The following TMEM144 variants were observed in gnomAD, a reference collection of about 807,000 sequenced individuals.
TMEM144 encodes the protein transmembrane protein 144.
Under a neutral mutation model 43.6 loss-of-function variants are expected in TMEM144, and 39 were observed. The observed-to-expected ratio is 0.90, with a 90% confidence interval of 0.69 to 1.17. The LOEUF is 1.17. Ranked by LOEUF, TMEM144 falls within the 50% of genes most tolerant of loss-of-function variation. The pLI, the probability that TMEM144 is intolerant of heterozygous loss-of-function variation, is 0.00. For missense variants in TMEM144, 417 were observed against 411.9 expected (o/e 1.01, Z -0.11); for synonymous variants, 154 against 133.6 (o/e 1.15, Z -1.06).
intron 11 of TMEM144, among the ~76,000 whole-genome samples, chr4:158,242,043 G>C (rs902869775): frequency 6.6e-6 from 1 of 152,140 alleles, no homozygotes; most frequent in Admixed American, 6.5e-5. Context: ...TTCTTGTTTT[G>C]AGTTAGAATA....
intron 5 of TMEM144, among the ~76,000 whole-genome samples, chr4:158,217,714 T>C (rs747325258): frequency 7.2e-5 from 11 of 152,214 alleles, no homozygotes; most frequent in Non-Finnish European, 1.3e-4. Context: ...TTGCTGGACA[T>C]GTTCTATGCA....
chr4:158,239,131 A>G (rs1050522311), intron 9 of TMEM144, among the ~76,000 whole-genome samples: 2 of 152,148 alleles, frequency 1.3e-5, no homozygotes, highest in African/African-American at 2.4e-5. Context: ...GAGGATTTGC[A>G]CCCAGGTGGT....
rs886372397 is a variant in TMEM144 at position 158,254,665 on chromosome 4, T to G, written c.*1138T>G. 2.6e-5 allele frequency: 4 copies of G among 152,188 alleles called. No individual in the cohort carries two copies. The East Asian group carries it at 7.7e-4, about 29-fold the overall frequency. The allele number at this position is 152,188 out of a possible 1,614,324, so 9.4% of individuals were successfully genotyped here. A position where few individuals can be genotyped will look rare whatever the true frequency, so the allele number is the denominator to read the frequency against. ...ACAGAACTGCCAGTACAATGTTTGT[T>G]GCAATTGTTTCCAAAACTTTGAGAT... On this transcript the variant is annotated 3_prime_UTR_variant, in exon 13 of 13. Transcript: ENST00000296529.
In TMEM144 at chr4:158,232,924, A is replaced by G. The variant is rs75556624; in HGVS notation, c.437A>G (p.Lys146Arg). Residue 146 changes from lysine (K) to arginine (R), a missense_variant, in exon 7 of 13, where the codon AAA becomes AGA. Physicochemically the swap from Lys to Arg is conservative, Grantham distance 26. Transcript: ENST00000296529. ...VVSAFIFLFI[K>R]SEIPNNTCSM... ...AGTGCTTTCATATTTTTGTTCATCA[A>G]AAGTGAAATACCAAATAACACGTGT... is the stretch of plus-strand genomic sequence containing the variant. 589 of 1,611,938 alleles carry G rather than the reference A, an allele frequency of 3.7e-4. 5 individuals are homozygous for G. The East Asian group carries it at 0.012, about 32-fold the overall frequency.
chr4:158,215,698 A>T (rs1734188411), intron 4 of TMEM144, among the ~76,000 whole-genome samples: 1 of 152,200 alleles, frequency 6.6e-6, no homozygotes, highest in Non-Finnish European at 1.5e-5. Flanking sequence ...TTTAGGACTT[A>T]ACCTAATTAG....
At chr4:158,241,963 G>A (rs986016285) in intron 11 of TMEM144, among the ~76,000 whole-genome samples, 3 of 152,146 alleles carry the variant, frequency 2.0e-5, no homozygotes, top group Non-Finnish European at 4.4e-5. Context: ...AGGGAACATT[G>A]AAAAACAAAC....
Position 158,217,373 on chromosome 4 carries a change from C to G in TMEM144, c.285C>G (p.Ile95Met), listed in dbSNP as rs1170700304. The G allele has an allele frequency of 6.2e-7, 1 of 1,613,180 alleles. No individual in the cohort carries two copies. Among genetic ancestry groups the G allele is most frequent in the African/African-American group, 1.3e-5 (1 of 74,872 alleles). Residue 95 changes from isoleucine (I) to methionine (M), a missense_variant, in exon 5 of 13, where the codon ATC becomes ATG. Ile to Met is a conservative substitution (Grantham distance 10). Transcript: ENST00000296529. ...IIKTIGLGLG[I>M]LIWGSFNALT... is the part of the protein sequence containing the mutation. ...AAACCATTGGTTTAGGCCTTGGAAT[C>G]TTAATCTGGGGATCATTTAATGCCT...
chr4:158,240,182 G>T, intron 9 of TMEM144, 117 bp from the exon 10 acceptor site: 1 of 1,248,278 alleles, frequency 8.0e-7, no homozygotes. Context: ...ACTGCGCTCT[G>T]CCTAATTAAT....
chr4:158,249,885 CAGGTGT>C (rs1736096634), intron 12 of TMEM144, among the ~76,000 whole-genome samples: 2 of 95,184 alleles, frequency 2.1e-5, no homozygotes, highest in Non-Finnish European at 4.8e-5. Context: ...AGCCTACTGC[CAGGTGT>C]GTGTGTGTGT....
rs773698332 is a variant in TMEM144, at chr4:158,217,321, G to A, written c.233G>A (p.Gly78Glu). 3.7e-6 allele frequency: 6 copies of A among 1,602,132 alleles called. No homozygotes were observed. The highest frequency in any genetic ancestry group is 1.1e-5 in the South Asian group (1 of 90,472). ...AMLGGCIWAT[G>E]NIAVVPIIKT... ...TTTCTTCTGTATATTACATCTACAG[G>A]GAACATTGCTGTTGTCCCAATTATC... The change falls in exon 5 of 13, where the codon GGG becomes GAG. Residue 78 changes from glycine (G) to glutamate (E), a missense_variant and splice_region_variant. Physicochemically the swap from Gly to Glu is moderately conservative, Grantham distance 98. Transcript: ENST00000296529.
chr4:158,255,135 T>C lies in TMEM144; in HGVS notation c.*1608T>C, dbSNP rs1736417068. 1.3e-5 allele frequency: 2 copies of C among 152,114 alleles called. No individual in the cohort carries two copies. The highest frequency in any genetic ancestry group is 4.8e-5 in the African/African-American group (2 of 41,432). The allele number at this position is 152,114 out of a possible 1,614,324, so 9.4% of individuals were successfully genotyped here. A position where few individuals can be genotyped will look rare whatever the true frequency, so the allele number is the denominator to read the frequency against. ...AACAATTATTACTCCTCTAAATGAA[T>C]ACTACTTAAAAGTGATGGAGCTTCT... On this transcript the variant is annotated 3_prime_UTR_variant, in exon 13 of 13. Coordinates refer to ENST00000296529, the MANE Select transcript of TMEM144 (RefSeq NM_018342.5).
chr4:158,213,860 T>C (rs747830304), intron 3 of TMEM144: 9 of 152,204 alleles, frequency 5.9e-5, no homozygotes, highest in Non-Finnish European at 1.3e-4. Flanking sequence ...GAATGGGAAC[T>C]ACCCGAAGAA....
At chr4:158,235,544 C>A in intron 8 of TMEM144, 39 bp downstream of exon 8, 1 of 1,563,168 alleles carries the variant, frequency 6.4e-7, no homozygotes. Flanking sequence ...TACTCTGTTT[C>A]ATATTTGGTT....
At chr4:158,224,119 T>G (rs1734635406) in intron 6 of TMEM144, among the ~76,000 whole-genome samples, 1 of 152,188 alleles carries the variant, frequency 6.6e-6, no homozygotes, top group Admixed American at 6.5e-5. Context: ...TGGCCTGAGA[T>G]GGTATCTCAT....
intron 12 of TMEM144, among the ~76,000 whole-genome samples, chr4:158,249,519 C>G (rs1244711737): frequency 6.6e-6 from 1 of 152,184 alleles, no homozygotes; most frequent in Admixed American, 6.5e-5. Flanking sequence ...TGTTGCCCAA[C>G]TATAATTAGT....
At position 158,254,716 on chromosome 4, in the gene TMEM144, T is replaced by C. The variant is rs1404928532; in HGVS notation, c.*1189T>C. 1 of 152,204 alleles carries C rather than the reference T, an allele frequency of 6.6e-6. No individual in the cohort carries two copies. Among genetic ancestry groups the C allele is most frequent in the Non-Finnish European group, 1.5e-5 (1 of 68,026 alleles). 9.4% of individuals were successfully genotyped at this position (152,204 alleles called of 1,614,324 possible). A position where few individuals can be genotyped will look rare whatever the true frequency, so the allele number is the denominator to read the frequency against. On this transcript the variant is annotated 3_prime_UTR_variant, in exon 13 of 13. Coordinates refer to ENST00000296529, the MANE Select transcript of TMEM144 (RefSeq NM_018342.5). ...AACGAAACCCCTATTCAAATGTAAA[T>C]TTTACCCATTCCCACCTGATAGTAC...
intron 12 of TMEM144, among the ~76,000 whole-genome samples, chr4:158,248,375 T>C (rs967680478): frequency 1.3e-5 from 2 of 152,134 alleles, no homozygotes; most frequent in African/African-American, 4.8e-5. Flanking sequence ...GAGATTGCAG[T>C]GAGCCAAGAT....
intron 6 of TMEM144, among the ~76,000 whole-genome samples, chr4:158,225,879 C>A (rs1336129639): frequency 2.0e-5 from 3 of 152,252 alleles, no homozygotes; most frequent in Non-Finnish European, 4.4e-5. Context: ...CGGGGGCTGA[C>A]CCGCAGGGTG....
intron 6 of TMEM144, among the ~76,000 whole-genome samples, chr4:158,219,924 G>A (rs1734427641): frequency 6.6e-6 from 1 of 152,144 alleles, no homozygotes; most frequent in South Asian, 2.1e-4. Flanking sequence ...TTGCATCTGT[G>A]TCTAGCTGTA....
Sources: gnomAD v4.1 joint callset for allele counts (sites outside exome capture counted in the v4.1 genomes callset) on GRCh38, gnomAD v4.1.1 for gene constraint, MANE v1.5 for transcripts, NCBI Gene and HGNC (gene_info 2026-07-23, HGNC 2026-07-21) for gene names.